The following PGAP6 variants were observed in gnomAD, a reference collection of about 807,000 sequenced individuals.
PGAP6 encodes the protein post-GPI attachment to proteins factor 6.
PGAP6 carries 62 observed loss-of-function variants against 68.4 expected under a neutral mutation model. That is an observed-to-expected ratio of 0.91 (90% CI 0.74 to 1.12). The LOEUF (loss-of-function observed/expected upper bound fraction) is 1.12, where lower values mean the gene tolerates loss of function less well. PGAP6 is among the 50% of genes most tolerant of loss of function. The pLI is 0.00. For missense variants in PGAP6, 1,188 were observed against 1,068.5 expected, an observed-to-expected ratio of 1.11 and a Z score of -1.56; for synonymous variants, 575 against 474.0, an observed-to-expected ratio of 1.21 and a Z score of -2.77.
At chr16:372,482 G>T in intron 12 of PGAP6, 129 bp downstream of exon 12, 1 of 974,610 alleles carries the variant, frequency 1.0e-6, no homozygotes, top group Non-Finnish European at 1.6e-6. Context: ...CTCTGTGGGT[G>T]CCATGGCAAC....
rs2054386031 is a variant in PGAP6 at position 376,593 on chromosome 16, C to T, written c.855G>A (p.Leu285=). 5 of 1,581,468 alleles carry T rather than the reference C, an allele frequency of 3.2e-6. No individual in the cohort carries two copies. Among genetic ancestry groups the T allele is most frequent in the Non-Finnish European group, 4.3e-6 (5 of 1,163,448 alleles). ...AAGCCACTGTCCCGAGGGGCCCCACCAGGCTCTCAGCTGTCACTTGCAGCC... is the reference window on the plus strand; with the variant it reads ...AAGCCACTGTCCCGAGGGGCCCCACTAGGCTCTCAGCTGTCACTTGCAGCC... ...DRWLQVTAES[L]VGPLGTVAFS... The change falls in exon 5 of 13, where the codon CTG becomes CTA. Residue 285 remains leucine (L), a synonymous_variant. Transcript: ENST00000431232.
rs1347359681 is a variant in PGAP6 at position 381,816 on chromosome 16, G to A, written c.6C>T (p.Gly2=). ...CGCCCCCGGTCCCGGTGCCAGCCCG[G>A]CCCATGGCTCCGCGCTCGGCCCGGC... is the stretch of plus-strand genomic sequence containing the variant. The part of the protein sequence containing the change: M[G]RAGTGTGGEA... The change falls in exon 1 of 13, where the codon GGC becomes GGT. Residue 2 remains glycine, a synonymous_variant. Transcript: ENST00000431232. The A allele has an allele frequency of 3.6e-6, 4 of 1,105,760 alleles. No homozygotes were observed. Among genetic ancestry groups the A allele is most frequent in the Non-Finnish European group, 4.4e-6 (4 of 907,784 alleles). The allele number at this position is 1,105,760 out of a possible 1,614,324, so 68.5% of individuals were successfully genotyped here.
intron 1 of PGAP6, among the ~76,000 whole-genome samples, chr16:378,204 C>T (rs74345460): frequency 0.015 from 1,348 of 88,068 alleles, 14 homozygotes; most frequent in African/African-American, 0.05. Context: ...CCATCGCCAC[C>T]CTGACTGCCA....
At chr16:380,562 T>G (rs1360174780) in intron 1 of PGAP6, among the ~76,000 whole-genome samples, 3 of 152,006 alleles carry the variant, frequency 2.0e-5, no homozygotes, top group African/African-American at 7.2e-5. Flanking sequence ...GAAGGGGGTT[T>G]CTCCATGTTG....
chr16:374,501 A>T (rs1268626933), intron 9 of PGAP6, 102 bp from the exon 10 acceptor site: 5 of 1,333,440 alleles, frequency 3.7e-6, no homozygotes, highest in Non-Finnish European at 5.0e-6. Flanking sequence ...CTCACCCAGG[A>T]GCAAGCAGGG....
upstream of PGAP6, chr16:384,359 C>G (rs927561386): frequency 2.6e-5 from 4 of 152,224 alleles, no homozygotes; most frequent in Admixed American, 2.6e-4. Flanking sequence ...CCAGAGACGT[C>G]TGCTAAGTCA....
chr16:386,085 G>C (rs1375156469), upstream of PGAP6, among the ~76,000 whole-genome samples: 1 of 152,164 alleles, frequency 6.6e-6, no homozygotes, highest in Non-Finnish European at 1.5e-5. Context: ...CCTCTAGTGA[G>C]CCTGGGTGAG....
chr16:377,648 C>A (rs752037435), intron 2 of PGAP6, 23 bp downstream of exon 2: 1 of 1,572,406 alleles, frequency 6.4e-7, no homozygotes, highest in Non-Finnish European at 8.6e-7. Context: ...GGAGGGTGGG[C>A]AGGCGGGCGG....
Position 375,238 on chromosome 16 carries a change from G to A in PGAP6, c.1334C>T (p.Pro445Leu), listed in dbSNP as rs144557907. Residue 445 changes from proline to leucine, a missense_variant, in exon 8 of 13, where the codon CCT (proline) becomes CTT (leucine). Physicochemically the swap from Pro to Leu is moderately conservative, Grantham distance 98. Transcript: ENST00000431232. ...GCGAGACCAGGCGCTCAGAGACAAA[G>A]GGTAGCCCTGGAAGAAGGCTGCAGG... ...NCTTAFFQGY[P>L]LSLSAWSRRA... is the part of the protein sequence containing the mutation. The A allele has an allele frequency of 1.5e-4, 247 of 1,613,170 alleles. No homozygotes were observed. In the African/African-American group the frequency reaches 3.0e-3, roughly 19 times the overall value.
At chr16:382,162 G>A, upstream of PGAP6, 1 of 388,262 alleles carries the variant, frequency 2.6e-6, no homozygotes, top group Non-Finnish European at 4.6e-6. Context: ...ACGCTGGAGG[G>A]AGGGCGCGGG....
chr16:375,079 C>A, intron 8 of PGAP6, 54 bp downstream of exon 8: 1 of 1,602,804 alleles, frequency 6.2e-7, no homozygotes. Context: ...GGCCTGTGGT[C>A]CTGAGTGAAA....
chr16:377,016 GC>G lies in PGAP6; in HGVS notation c.635+20del. 1 of 1,611,782 alleles carries G rather than the reference GC, an allele frequency of 6.2e-7. No homozygotes were observed. Among genetic ancestry groups the G allele is most frequent in the African/African-American group, 1.3e-5 (1 of 75,052 alleles). On this transcript the variant is annotated intron_variant, in intron 4 of 12. Transcript: ENST00000431232. ...AGGGGCCGGAGGGCAGAGCCGGGCT[GC>G]CCCCCAGGCCCCCGCTCACTTGAGG...
chr16:381,712 C>T lies in PGAP6; in HGVS notation c.110G>A (p.Ser37Asn), dbSNP rs2054440059. 3.3e-6 allele frequency: 4 copies of T among 1,211,492 alleles called. No individual in the cohort carries two copies. The highest frequency in any genetic ancestry group is 4.1e-6 in the Non-Finnish European group (4 of 974,028). The allele number at this position is 1,211,492 out of a possible 1,614,324, so 75.0% of individuals were successfully genotyped here. ...CGCCTCCCGCTCACCGCTCTTCCCGCTGTAGCCGGCGGAGGCAGGCGGGGG... is the reference window on the plus strand; with the variant it reads ...CGCCTCCCGCTCACCGCTCTTCCCGTTGTAGCCGGCGGAGGCAGGCGGGGG... Reference protein sequence around the residue: ...ARPPPASAGYSGKSEVGLVSE... With the variant: ...ARPPPASAGYNGKSEVGLVSE... Residue 37 changes from serine to asparagine, a missense_variant, in exon 1 of 13, where the codon AGC becomes AAC. Coordinates refer to ENST00000431232, the MANE Select transcript of PGAP6 (RefSeq NM_021259.3).
Position 381,811 on chromosome 16 carries a change from G to T in PGAP6, c.11C>A (p.Ala4Asp). 8.9e-7 allele frequency: 1 copy of T among 1,120,648 alleles called. No individual in the cohort carries two copies. Among genetic ancestry groups the T allele is most frequent in the Non-Finnish European group, 1.1e-6 (1 of 917,084 alleles). 69.4% of individuals were successfully genotyped at this position (1,120,648 alleles called of 1,614,324 possible). A position where few individuals can be genotyped will look rare whatever the true frequency, so the allele number is the denominator to read the frequency against. MGR[A>D]GTGTGGEAVA... ...CGCCTCGCCCCCGGTCCCGGTGCCA[G>T]CCCGGCCCATGGCTCCGCGCTCGGC... Residue 4 changes from alanine to aspartate, a missense_variant, in exon 1 of 13, where the codon GCT becomes GAT. Physicochemically the swap from Ala to Asp is moderately radical, Grantham distance 126. Transcript: ENST00000431232.
intron 9 of PGAP6, 99 bp downstream of exon 9, chr16:374,657 C>T (rs2054364729): frequency 6.6e-7 from 1 of 1,509,980 alleles, no homozygotes; most frequent in Non-Finnish European, 9.0e-7. Context: ...AAGGGTCTCT[C>T]TCCAGCCCCT....
upstream of PGAP6, among the ~76,000 whole-genome samples, chr16:385,072 A>T (rs888371730): frequency 1.3e-5 from 2 of 150,822 alleles, no homozygotes; most frequent in African/African-American, 2.4e-5. Context: ...AGGCTGAGGC[A>T]GGAGAATCAC....
In PGAP6 at chr16:376,138, T is replaced by G; in HGVS notation, c.1222A>C (p.Lys408Gln). The G allele has an allele frequency of 6.2e-7, 1 of 1,600,074 alleles. No homozygotes were observed. Among genetic ancestry groups the G allele is most frequent in the Non-Finnish European group, 8.5e-7 (1 of 1,171,316 alleles). ...GGCCGCTTGCAGACAGCAGGTACCT[T>G]GTTGGCCCGCAGGGAGATGGTGAGG... ...GSLTISLRAN[K>Q]TEMRNETVVV... The change falls in exon 6 of 13, where the codon AAG becomes CAG. Residue 408 changes from lysine to glutamine, a missense_variant and splice_region_variant. By Grantham distance (53) the Lys-to-Gln change is moderately conservative (BLOSUM62 1). Coordinates refer to ENST00000431232, the MANE Select transcript of PGAP6 (RefSeq NM_021259.3).
In PGAP6 at chr16:377,549, C is replaced by T. The variant is rs748980628; in HGVS notation, c.336G>A (p.Pro112=). The stretch of plus-strand genomic sequence containing the variant: ...TGTCGTCCGGGAAGCTGGTGCCCAG[C>T]GGGTTGATGACCGGAGGGGCGCCGG... ...FRSGAPPVIN[P]LGTSFPDDTA... is the part of the protein sequence containing the mutation. Residue 112 remains proline, a synonymous_variant, in exon 3 of 13, where the codon CCG becomes CCA. Transcript: ENST00000431232. The T allele has an allele frequency of 6.9e-5, 109 of 1,587,754 alleles. No individual in the cohort carries two copies. Among genetic ancestry groups the T allele is most frequent in the Middle Eastern group, 1.7e-4 (1 of 6,028 alleles).
chr16:377,111 C>T lies in PGAP6; in HGVS notation c.561G>A (p.Arg187=), dbSNP rs767931134. 42 of 1,613,530 alleles carry T rather than the reference C, an allele frequency of 2.6e-5. No individual in the cohort carries two copies. The highest frequency in any genetic ancestry group is 2.0e-5 in the Non-Finnish European group (24 of 1,180,022). The part of the protein sequence containing the change: ...YVFQPELLVT[R]VVEISIMEPD... ...GCTCCATGATGGAAATCTCGACCAC[C>T]CGCGTGACCAGCAGTTCAGGCTGGA... Residue 187 remains arginine (R), a synonymous_variant, in exon 4 of 13, where the codon CGG becomes CGA. Transcript: ENST00000431232.
Sources: gnomAD v4.1 joint callset for allele counts (sites outside exome capture counted in the v4.1 genomes callset) on GRCh38, gnomAD v4.1.1 for gene constraint, MANE v1.5 for transcripts, NCBI Gene and HGNC (gene_info 2026-07-23, HGNC 2026-07-21) for gene names.